Variants in CNBD1 observed in about 807,000 individuals in gnomAD.
The protein encoded by CNBD1 is cyclic nucleotide binding domain containing 1, also known as cyclic nucleotide-binding domain-containing protein 1.
A neutral mutation model predicts 54.4 loss-of-function variants in CNBD1; 71 were observed. That is an observed-to-expected ratio of 1.30 (90% CI 1.08 to 1.59). The LOEUF is 1.59. Ranked by LOEUF, CNBD1 falls within the 40% of genes most tolerant of loss-of-function variation. CNBD1 has a pLI of 0.00. For synonymous variants in CNBD1, 182 were observed against 170.7 expected, an observed-to-expected ratio of 1.07 and a Z score of -0.51; for missense variants, 659 against 518.0, an observed-to-expected ratio of 1.27 and a Z score of -2.64.
At chr8:86,979,505 G>A (rs1808424052) in intron 4 of CNBD1, among the ~76,000 whole-genome samples, 1 of 150,330 alleles carries the variant, frequency 6.7e-6, no homozygotes, top group Non-Finnish European at 1.5e-5. Context: ...GTGGGACTTT[G>A]CTTAGCCTAG....
intron 4 of CNBD1, among the ~76,000 whole-genome samples, chr8:87,012,908 C>G (rs571660443): frequency 6.6e-6 from 1 of 152,022 alleles, no homozygotes; most frequent in Non-Finnish European, 1.5e-5. Flanking sequence ...AAGCTGTACC[C>G]CAATCACCCT....
intron 10 of CNBD1, among the ~76,000 whole-genome samples, chr8:87,377,151 T>C (rs1462856038): frequency 6.7e-6 from 1 of 149,944 alleles, no homozygotes; most frequent in Non-Finnish European, 1.5e-5. Context: ...TTTATGATTA[T>C]TATTTATATT....
chr8:87,287,044 T>A (rs1189627949), intron 8 of CNBD1, among the ~76,000 whole-genome samples: 3 of 152,130 alleles, frequency 2.0e-5, no homozygotes, highest in African/African-American at 7.2e-5. Flanking sequence ...TCCTTTTTCC[T>A]GGGTGGATAA....
intron 4 of CNBD1, among the ~76,000 whole-genome samples, chr8:87,140,991 T>A (rs1460855262): frequency 6.6e-6 from 1 of 152,104 alleles, no homozygotes; most frequent in Non-Finnish European, 1.5e-5. Flanking sequence ...AAAAAGACCA[T>A]AAAAGGAACA....
At chr8:87,280,289 A>AT (rs1235704324) in intron 6 of CNBD1, among the ~76,000 whole-genome samples, 2 of 151,508 alleles carry the variant, frequency 1.3e-5, no homozygotes, top group South Asian at 2.1e-4. Context: ...GAGAAAAATA[A>AT]TTTTTTTCAA....
At chr8:87,411,587 T>C (rs574716897) in intron 2 of CNBD1, among the ~76,000 whole-genome samples, 24 of 150,600 alleles carry the variant, frequency 1.6e-4, no homozygotes, top group Admixed American at 4.0e-4. Flanking sequence ...TTTATTGAAG[T>C]TTTATGTATA....
intron 4 of CNBD1, among the ~76,000 whole-genome samples, chr8:86,961,711 C>T (rs758668418): frequency 3.9e-5 from 6 of 152,318 alleles, no homozygotes; most frequent in Non-Finnish European, 5.9e-5. Context: ...TGGCCTACCA[C>T]GATCTTTGTA....
chr8:87,346,054 TG>T (rs113421813), intron 8 of CNBD1, among the ~76,000 whole-genome samples: 2,822 of 151,998 alleles, frequency 0.019, 88 homozygotes, highest in African/African-American at 0.061. Context: ...CTTTTTTTTG[TG>T]GGGGGGACAG....
rs143144495 is a variant in CNBD1 at position 87,092,880 on chromosome 8, C to T, written c.432-113113C>T. Among the ~76,000 whole-genome samples, 639 of 152,190 alleles carry T rather than the reference C, an allele frequency of 4.2e-3. 3 individuals carry two copies. The highest frequency in any genetic ancestry group is 0.015 in the African/African-American group (605 of 41,538). ...CACATTCAAAATCTCCAAAACTTAG[C>T]TCATGAACTCTCCAAAACCCCTTTG... On this transcript the variant is annotated intron_variant, in intron 4 of 10. Coordinates refer to ENST00000518476, the MANE Select transcript of CNBD1 (RefSeq NM_173538.3).
At chr8:87,206,742 C>T (rs545980107) in intron 5 of CNBD1, among the ~76,000 whole-genome samples, 2 of 152,258 alleles carry the variant, frequency 1.3e-5, no homozygotes, top group East Asian at 1.9e-4. Context: ...GGGGGCTAGG[C>T]ATATAATTTA....
intron 3 of CNBD1, among the ~76,000 whole-genome samples, chr8:86,920,349 G>A (rs1216905140): frequency 6.6e-6 from 1 of 152,170 alleles, no homozygotes; most frequent in Admixed American, 6.5e-5. Context: ...GAAAGAGGTA[G>A]CTTGCTAAGT....
intron 2 of CNBD1, among the ~76,000 whole-genome samples, chr8:86,899,660 C>G (rs1054629412): frequency 6.6e-6 from 1 of 151,982 alleles, no homozygotes; most frequent in Middle Eastern, 3.2e-3. Context: ...GGATATAAAT[C>G]TGATGTTGTT....
At chr8:87,269,548 C>T (rs543128337) in intron 6 of CNBD1, among the ~76,000 whole-genome samples, 12 of 152,118 alleles carry the variant, frequency 7.9e-5, no homozygotes, top group East Asian at 1.9e-4. Context: ...TTGCTATCCA[C>T]GAGCATGGAA....
intron 4 of CNBD1, among the ~76,000 whole-genome samples, chr8:87,055,262 C>T (rs1458611908): frequency 1.3e-5 from 2 of 152,164 alleles, no homozygotes; most frequent in East Asian, 3.9e-4. Flanking sequence ...CAGTTGAATG[C>T]TAAAGCTTTT....
In CNBD1 at chr8:86,888,833, G is replaced by A. The variant is rs191348438; in HGVS notation, c.158+1222G>A. Among the ~76,000 whole-genome samples the A allele has an allele frequency of 9.8e-4, 149 of 152,096 alleles. No homozygotes were observed. In the Middle Eastern group the frequency reaches 0.01, roughly 10 times the overall value. On this transcript the variant is annotated intron_variant, in intron 2 of 10. Transcript: ENST00000518476. ...TTTCGTTTTGCTTTCTGGCCCAGAC[G>A]CATTTCATTTTTCAAAATACTTCTA...
At chr8:87,386,944 G>A (rs912704098), downstream of CNBD1, among the ~76,000 whole-genome samples, 2 of 152,146 alleles carry the variant, frequency 1.3e-5, no homozygotes, top group Non-Finnish European at 2.9e-5. Context: ...GAGAGTGGGG[G>A]CCAAAATTCA....
intron 4 of CNBD1, among the ~76,000 whole-genome samples, chr8:86,942,941 A>G (rs1157047519): frequency 1.3e-5 from 2 of 152,182 alleles, no homozygotes; most frequent in Non-Finnish European, 2.9e-5. Context: ...TCTCTGACTA[A>G]TTAAACCATG....
intron 4 of CNBD1, among the ~76,000 whole-genome samples, chr8:87,039,809 A>G (rs912365941): frequency 1.3e-5 from 2 of 152,152 alleles, no homozygotes; most frequent in Non-Finnish European, 2.9e-5. Flanking sequence ...ATGACTCCCT[A>G]TGGAGATGGA....
intron 4 of CNBD1, among the ~76,000 whole-genome samples, chr8:87,030,170 CTT>C (rs1394048345): frequency 6.6e-6 from 1 of 152,012 alleles, no homozygotes; most frequent in African/African-American, 2.4e-5. Context: ...AGCTTGGTAA[CTT>C]TTATGGCTGC....
Sources: allele counts gnomAD v4.1 joint callset (sites outside exome capture counted in the v4.1 genomes callset), GRCh38; gene constraint gnomAD v4.1.1; transcripts MANE v1.5; gene names NCBI Gene and HGNC (gene_info 2026-07-23, HGNC 2026-07-21).